The following AARS2 variants were observed in gnomAD, a reference collection of about 807,000 sequenced individuals.
AARS2 encodes the protein alanine--tRNA ligase, mitochondrial.
A neutral mutation model predicts 119.7 loss-of-function variants in AARS2; 78 were observed. That is an observed-to-expected ratio of 0.65 (90% CI 0.54 to 0.79). The LOEUF is 0.79. AARS2 is among the 30% of genes least tolerant of loss of function. AARS2 has a pLI of 0.00. For missense variants in AARS2, 1,157 were observed against 1,291.3 expected, an observed-to-expected ratio of 0.90 and a Z score of 1.59; for synonymous variants, 502 against 526.3, an observed-to-expected ratio of 0.95 and a Z score of 0.63.
chr6:44,309,094 T>A (rs1786126409), intron 5 of AARS2, among the ~76,000 whole-genome samples: 1 of 152,240 alleles, frequency 6.6e-6, no homozygotes, highest in African/African-American at 2.4e-5. Context: ...ATCCCCTGAA[T>A]CTCTGCTGGC....
intron 21 of AARS2, chr6:44,300,947 T>C: frequency 1.4e-6 from 1 of 719,336 alleles, no homozygotes; most frequent in Non-Finnish European, 2.3e-6. Context: ...TGGGAGGGGT[T>C]AGGAATTAAG....
intron 21 of AARS2, chr6:44,300,940 G>A (rs1172907889): frequency 1.4e-6 from 1 of 718,364 alleles, no homozygotes; most frequent in Non-Finnish European, 2.3e-6. Context: ...TGAGGCCTGG[G>A]AGGGGTTAGG....
rs752239007 is a variant in AARS2, at chr6:44,304,176, C to A, written c.2007+5G>T. ...ATGAAGCCTGTCTTTCTATGCCGGG[C>A]TCACCTGGGTGGTCACATCCAAGCG... is the stretch of plus-strand genomic sequence containing the variant. On this transcript the variant is annotated splice_donor_5th_base_variant and intron_variant, in intron 14 of 21. Coordinates refer to ENST00000244571, the MANE Select transcript of AARS2 (RefSeq NM_020745.4). The A allele has an allele frequency of 6.2e-7, 1 of 1,613,214 alleles. No individual in the cohort carries two copies. Among genetic ancestry groups the A allele is most frequent in the Non-Finnish European group, 8.5e-7 (1 of 1,180,024 alleles).
At position 44,299,882 on chromosome 6, in the gene AARS2, C is replaced by T. The variant is rs1785214997; in HGVS notation, c.*665G>A. ...ATGGCCCGATTTGGATCCTGGGTGGCCTTTCAGACAGTGTGAGTTCAGACT... is the reference window on the plus strand; with the variant it reads ...ATGGCCCGATTTGGATCCTGGGTGGTCTTTCAGACAGTGTGAGTTCAGACT... On this transcript the variant is annotated 3_prime_UTR_variant, in exon 22 of 22. Transcript: ENST00000244571. The T allele has an allele frequency of 6.6e-6, 1 of 152,442 alleles. No individual in the cohort carries two copies. The highest frequency in any genetic ancestry group is 1.5e-5 in the Non-Finnish European group (1 of 68,554). The allele number at this position is 152,442 out of a possible 1,614,324, so 9.4% of individuals were successfully genotyped here. A position where few individuals can be genotyped will look rare whatever the true frequency, so the allele number is the denominator to read the frequency against.
intron 14 of AARS2, 41 bp from the exon 15 acceptor site, chr6:44,303,464 C>T: frequency 2.5e-6 from 4 of 1,613,610 alleles, no homozygotes; most frequent in Non-Finnish European, 3.4e-6. Context: ...AACATGCAGT[C>T]AGCCCCACAC....
chr6:44,305,601 C>A lies in AARS2; in HGVS notation c.1434+52G>T. 6 of 1,612,140 alleles carry A rather than the reference C, an allele frequency of 3.7e-6. No homozygotes were observed. The highest frequency in any genetic ancestry group is 1.1e-5 in the South Asian group (1 of 90,992). On this transcript the variant is annotated intron_variant, in intron 10 of 21. Coordinates refer to ENST00000244571, the MANE Select transcript of AARS2 (RefSeq NM_020745.4). The surrounding 1 kb of genome is among the most constrained non-coding windows in gnomAD (Gnocchi z 4.6). ...CAGCTCCTCCCCCAGGAGCTCAGGGCTGGGGAAGAGGTGTCCTAACAGAAC... is the reference window on the plus strand; with the variant it reads ...CAGCTCCTCCCCCAGGAGCTCAGGGATGGGGAAGAGGTGTCCTAACAGAAC...
At chr6:44,311,249 C>T in intron 3 of AARS2, 88 bp from the exon 4 acceptor site, 1 of 1,602,442 alleles carries the variant, frequency 6.2e-7, no homozygotes, top group Non-Finnish European at 8.5e-7. Flanking sequence ...CCTCAAGTCA[C>T]AGCTCAGCAA....
chr6:44,309,609 T>C (rs1188695597), intron 5 of AARS2, among the ~76,000 whole-genome samples: 3 of 152,190 alleles, frequency 2.0e-5, no homozygotes, highest in East Asian at 1.9e-4. Context: ...AGCAGGGAGC[T>C]TGATTCACCT....
In AARS2 at chr6:44,311,262, G is replaced by A. The variant is rs981093657; in HGVS notation, c.582-101C>T. The A allele has an allele frequency of 3.8e-6, 6 of 1,599,850 alleles. No individual in the cohort carries two copies. In the African/African-American group the frequency reaches 5.4e-5, roughly 14 times the overall value. On this transcript the variant is annotated intron_variant, in intron 3 of 21. Coordinates refer to ENST00000244571, the MANE Select transcript of AARS2 (RefSeq NM_020745.4). ...TCCCTCAAGTCACAGCTCAGCAAGA[G>A]GAGGAACAGGGCTGACCCCACAATA...
intron 5 of AARS2, among the ~76,000 whole-genome samples, chr6:44,308,543 A>C (rs1450619996): frequency 3.5e-5 from 5 of 143,292 alleles, no homozygotes; most frequent in Non-Finnish European, 6.1e-5. Context: ...ACTCTGTCTC[A>C]AAAAAAAAAA....
In AARS2 at chr6:44,307,385, C is replaced by T. The variant is rs1219661990; in HGVS notation, c.904G>A (p.Ala302Thr). The T allele has an allele frequency of 2.5e-6, 4 of 1,603,292 alleles. No individual in the cohort carries two copies. Among genetic ancestry groups the T allele is most frequent in the Middle Eastern group, 1.7e-4 (1 of 6,050 alleles). ...CCTACTCGGCCCAAGTAAGGGGGTG[C>T]CCTGCAGCCCTGGGAAGCAGAAGAG... is the stretch of plus-strand genomic sequence containing the variant. ...LLNAIQQGCRAPPYLGRVGVA... is the reference protein window; with the variant it reads ...LLNAIQQGCRTPPYLGRVGVA... The change falls in exon 6 of 22, where the codon GCA (alanine) becomes ACA (threonine). Residue 302 changes from alanine (A) to threonine (T), a missense_variant. Physicochemically the swap from Ala to Thr is moderately conservative, Grantham distance 58. Transcript: ENST00000244571. This position sits in a 1 kb window ranked among gnomAD's most constrained non-coding sequence, Gnocchi z 4.4.
At position 44,313,295 on chromosome 6, in the gene AARS2, C is replaced by T. The variant is rs374279700; in HGVS notation, c.29G>A (p.Arg10Gln). 37 of 1,598,330 alleles carry T rather than the reference C, an allele frequency of 2.3e-5. No individual in the cohort carries two copies. In the Middle Eastern group the frequency reaches 5.9e-4, roughly 26 times the overall value. ...CCTTCGAATGGCCCGCCGCAGCCTC[C>T]GGGCTGCAGCTGCCACTGACGCTGC... MAASVAAAA[R>Q]RLRRAIRRSP... The change falls in exon 1 of 22, where the codon CGG (arginine) becomes CAG (glutamine). Residue 10 changes from arginine to glutamine, a missense_variant. By Grantham distance (43) the Arg-to-Gln change is conservative (BLOSUM62 1). Coordinates refer to ENST00000244571, the MANE Select transcript of AARS2 (RefSeq NM_020745.4).
At chr6:44,304,599 G>T in intron 12 of AARS2, 46 bp downstream of exon 12, 2 of 1,614,146 alleles carry the variant, frequency 1.2e-6, no homozygotes, top group South Asian at 2.2e-5. Flanking sequence ...CTCAGGCTTG[G>T]GTCTGCCGCC....
rs775755633 is a variant in AARS2, at chr6:44,302,079, C to T, written c.2579G>A (p.Arg860His). The change falls in exon 19 of 22, where the codon CGT (arginine) becomes CAT (histidine). Residue 860 changes from arginine to histidine, a missense_variant. Arg to His is a conservative substitution (Grantham distance 29). Coordinates refer to ENST00000244571, the MANE Select transcript of AARS2 (RefSeq NM_020745.4). ...MLQRRANTAI[R>H]KLQMGQAAKK... ...TCTCACCTGTCCCATTTGCAGCTTA[C>T]GGATGGCAGTGTTGGCACGCCGCTG... The T allele has an allele frequency of 3.2e-5, 51 of 1,614,022 alleles. No homozygotes were observed. Among genetic ancestry groups the T allele is most frequent in the Non-Finnish European group, 3.5e-5 (41 of 1,180,054 alleles).
intron 14 of AARS2, 126 bp from the exon 15 acceptor site, chr6:44,303,549 A>G (rs1785551628): frequency 2.8e-6 from 4 of 1,416,948 alleles, no homozygotes; most frequent in African/African-American, 1.4e-5. Flanking sequence ...GCTAGCACAT[A>G]ATAGGTGCTC....
chr6:44,309,575 T>C (rs1204620201), intron 5 of AARS2, among the ~76,000 whole-genome samples: 1 of 152,208 alleles, frequency 6.6e-6, no homozygotes, highest in Non-Finnish European at 1.5e-5. Context: ...GGGTATAAGC[T>C]ACACACATGT....
chr6:44,302,270 A>T (rs1785421943), intron 18 of AARS2, 100 bp from the exon 19 acceptor site: 2 of 1,610,104 alleles, frequency 1.2e-6, no homozygotes, highest in Non-Finnish European at 1.7e-6. Context: ...CTGCAGACAA[A>T]TATCTGGGCC....
chr6:44,307,334 T>G lies in AARS2; in HGVS notation c.955A>C (p.Thr319Pro). The G allele has an allele frequency of 6.2e-7, 1 of 1,612,918 alleles. No individual in the cohort carries two copies. The highest frequency in any genetic ancestry group is 8.5e-7 in the Non-Finnish European group (1 of 1,179,586). The part of the protein sequence containing the change: ...VGVADEGRTD[T>P]AYRVVADHIR... ...TGGTCAGCCACCACGCGGTACGCTG[T>G]GTCTGTGCGCCCCTCGTCTGCCACC... Residue 319 changes from threonine (T) to proline (P), a missense_variant, in exon 6 of 22, where the codon ACA becomes CCA. Thr to Pro is a conservative substitution (Grantham distance 38). Transcript: ENST00000244571. This position sits in a 1 kb window ranked among gnomAD's most constrained non-coding sequence, Gnocchi z 4.4.
At chr6:44,302,592 A>G in intron 17 of AARS2, 79 bp from the exon 18 acceptor site, 1 of 1,602,050 alleles carries the variant, frequency 6.2e-7, no homozygotes, top group Admixed American at 1.7e-5. Context: ...CTGGTCAGGG[A>G]CAAATAAGAT....
Sources: allele counts gnomAD v4.1 joint callset (sites outside exome capture counted in the v4.1 genomes callset), GRCh38; gene constraint gnomAD v4.1.1; non-coding constraint Gnocchi (gnomAD v3.1); transcripts MANE v1.5; gene names NCBI Gene and HGNC (gene_info 2026-07-23, HGNC 2026-07-21).